The following GRIP1 variants were observed in gnomAD, a reference collection of about 807,000 sequenced individuals.
GRIP1 encodes the protein glutamate receptor-interacting protein 1.
Under a neutral mutation model 129.9 loss-of-function variants are expected in GRIP1, and 45 were observed. The observed-to-expected ratio is 0.35, with a 90% CI of 0.27 to 0.44. The LOEUF (loss-of-function observed/expected upper bound fraction) is 0.44, where lower values mean the gene tolerates loss of function less well. GRIP1 is among the 20% of genes least tolerant of loss of function. The pLI, the probability that GRIP1 is intolerant of heterozygous loss-of-function variation, is 1.00. For missense variants in GRIP1, 1,196 were observed against 1,396.8 expected, an observed-to-expected ratio of 0.86 and a Z score of 2.29; for synonymous variants, 530 against 520.8, an observed-to-expected ratio of 1.02 and a Z score of -0.24.
At chr12:66,633,087 A>G (rs1024468442) in intron 1 of GRIP1, among the ~76,000 whole-genome samples, 3 of 151,768 alleles carry the variant, frequency 2.0e-5, no homozygotes, top group African/African-American at 7.2e-5. Flanking sequence ...ATCTTGGCTC[A>G]CTGAAGCCTT....
At chr12:66,803,387 T>G (rs2038911699) in intron 1 of GRIP1, among the ~76,000 whole-genome samples, 1 of 152,166 alleles carries the variant, frequency 6.6e-6, no homozygotes, top group Non-Finnish European at 1.5e-5. Flanking sequence ...AGTCTAAACC[T>G]TACCAGAAAC....
At chr12:66,635,465 C>T (rs1003537801) in intron 1 of GRIP1, among the ~76,000 whole-genome samples, 18 of 151,726 alleles carry the variant, frequency 1.2e-4, no homozygotes, top group African/African-American at 4.1e-4. Context: ...AAAATTTATA[C>T]GTTACATTTT....
At chr12:66,704,260 G>A (rs934490054) in intron 1 of GRIP1, among the ~76,000 whole-genome samples, 2 of 151,352 alleles carry the variant, frequency 1.3e-5, no homozygotes, top group Non-Finnish European at 2.9e-5. Flanking sequence ...CTTTTGATGA[G>A]GAAACATTTT....
chr12:67,007,525 A>G (rs1368696879), intron 1 of GRIP1, among the ~76,000 whole-genome samples: 1 of 152,188 alleles, frequency 6.6e-6, no homozygotes, highest in African/African-American at 2.4e-5. Context: ...CAAAGGAAGA[A>G]AAAGAAGAGT....
chr12:66,685,728 GT>G (rs2034761323), intron 1 of GRIP1, among the ~76,000 whole-genome samples: 1 of 152,178 alleles, frequency 6.6e-6, no homozygotes, highest in Non-Finnish European at 1.5e-5. Context: ...GGATGAAGTA[GT>G]TTATTGACAG....
chr12:66,425,350 T>C (rs6581691), intron 14 of GRIP1, among the ~76,000 whole-genome samples: 99,641 of 151,946 alleles, frequency 0.66, 34,053 homozygotes, highest in Non-Finnish European at 0.77. Context: ...TGTGGAGAAA[T>C]AGGAACACTT....
intron 1 of GRIP1, among the ~76,000 whole-genome samples, chr12:66,642,965 C>G (rs542541551): frequency 6.6e-6 from 1 of 151,984 alleles, no homozygotes; most frequent in Non-Finnish European, 1.5e-5. Context: ...TATGTAATAA[C>G]AAAATATATT....
At chr12:66,650,037 C>T (rs1188826140) in intron 1 of GRIP1, among the ~76,000 whole-genome samples, 1 of 152,202 alleles carries the variant, frequency 6.6e-6, no homozygotes, top group East Asian at 1.9e-4. Context: ...ATTATTTCCA[C>T]TACACCACAG....
At chr12:66,875,816 C>T (rs1480213882) in intron 1 of GRIP1, among the ~76,000 whole-genome samples, 1 of 152,020 alleles carries the variant, frequency 6.6e-6, no homozygotes, top group African/African-American at 2.4e-5. Context: ...CATAAAAATG[C>T]ACTTAACTCA....
At chr12:66,663,315 G>T (rs949873462) in intron 1 of GRIP1, among the ~76,000 whole-genome samples, 1 of 152,084 alleles carries the variant, frequency 6.6e-6, no homozygotes, top group African/African-American at 2.4e-5. Context: ...TCATCTATAT[G>T]GGGGGAAGGT....
intron 2 of GRIP1, among the ~76,000 whole-genome samples, chr12:66,546,716 A>G (rs1654953860): frequency 6.6e-6 from 1 of 152,190 alleles, no homozygotes; most frequent in South Asian, 2.1e-4. Flanking sequence ...ACTTGACCAG[A>G]GTTTCACACC....
chr12:66,979,343 GA>G (rs1006535932), intron 1 of GRIP1, among the ~76,000 whole-genome samples: 42 of 136,994 alleles, frequency 3.1e-4, no homozygotes, highest in Middle Eastern at 3.8e-3. Flanking sequence ...TTGGCAAGGT[GA>G]AAAAAAAAAA....
Position 66,392,481 on chromosome 12 carries a change from T to G in GRIP1, c.2291A>C (p.Lys764Thr). The change falls in exon 19 of 25, where the codon AAG (lysine) becomes ACG (threonine). Residue 764 changes from lysine to threonine, a missense_variant. Around this residue, in one of 5 missense-constraint regions of GRIP1, gnomAD observed 427 missense variants for 463.3 expected, o/e 0.92. Coordinates refer to ENST00000359742, the MANE Select transcript of GRIP1 (RefSeq NM_001366722.1). The stretch of plus-strand genomic sequence containing the variant: ...CAAATGGCTAGAAATAGGGAACTTC[T>G]TGGGGCTCGATGCTGACTGGGCTTT... ...QTDAQSASSP[K>T]KFPISSHLSD... The G allele has an allele frequency of 6.2e-7, 1 of 1,614,120 alleles. No homozygotes were observed.
intron 1 of GRIP1, among the ~76,000 whole-genome samples, chr12:66,718,299 A>G (rs563081894): frequency 5.3e-5 from 8 of 152,266 alleles, no homozygotes; most frequent in African/African-American, 1.7e-4. Context: ...TGAGCCTAAA[A>G]ACCTCCTCTA....
intron 12 of GRIP1, among the ~76,000 whole-genome samples, chr12:66,445,100 G>T (rs1247470932): frequency 6.6e-6 from 1 of 152,076 alleles, no homozygotes; most frequent in Non-Finnish European, 1.5e-5. Context: ...AATTAATATA[G>T]CTTCTAGTCC....
intron 1 of GRIP1, among the ~76,000 whole-genome samples, chr12:66,953,041 T>C (rs1041531431): frequency 1.3e-5 from 2 of 152,226 alleles, no homozygotes; most frequent in African/African-American, 4.8e-5. Flanking sequence ...AAGGGAAATG[T>C]TATACTGAAG....
chr12:66,505,994 G>A (rs1462097715), intron 7 of GRIP1, among the ~76,000 whole-genome samples: 2 of 152,110 alleles, frequency 1.3e-5, no homozygotes, highest in Non-Finnish European at 2.9e-5. Flanking sequence ...ACCACAATGA[G>A]ATATTATTAT....
At chr12:66,601,259 T>C (rs2064262403) in intron 1 of GRIP1, among the ~76,000 whole-genome samples, 1 of 152,128 alleles carries the variant, frequency 6.6e-6, no homozygotes, top group East Asian at 1.9e-4. Flanking sequence ...GTTTATAAAC[T>C]TGGAAAGCAA....
At chr12:66,476,933 C>T (rs907139279) in intron 7 of GRIP1, among the ~76,000 whole-genome samples, 8 of 152,088 alleles carry the variant, frequency 5.3e-5, no homozygotes, top group Admixed American at 4.6e-4. Flanking sequence ...ACTGAATGGG[C>T]AAAAACTGGA....
Sources: gnomAD v4.1 joint callset for allele counts (sites outside exome capture counted in the v4.1 genomes callset) on GRCh38, gnomAD v4.1.1 for gene constraint, gnomAD v4.1.1 regional missense constraint, MANE v1.5 for transcripts, NCBI Gene and HGNC (gene_info 2026-07-23, HGNC 2026-07-21) for gene names.